RAD9B: variants seen among roughly 807,000 people sequenced by gnomAD.
RAD9B encodes the protein RAD9 checkpoint clamp component B, also known as cell cycle checkpoint control protein RAD9B.
A neutral mutation model predicts 48.3 loss-of-function variants in RAD9B; 41 were observed. That is an observed-to-expected ratio of 0.85 (90% confidence interval 0.66 to 1.10). The LOEUF is 1.10. Ranked by LOEUF, RAD9B falls within the 50% of genes least tolerant of loss-of-function variation. The probability of loss-of-function intolerance (pLI) is 0.00; values close to 1 mark genes in which losing one functional copy is unlikely to be tolerated. For missense variants in RAD9B, 444 were observed against 485.1 expected (o/e 0.92, Z 0.80); for synonymous variants, 160 against 157.9 (o/e 1.01, Z -0.10).
At chr12:110,511,714 A>C (rs1300407004) in intron 4 of RAD9B, 1 of 189,330 alleles carries the variant, frequency 5.3e-6, no homozygotes, top group Non-Finnish European at 1.1e-5. Context: ...CAACGTAGCT[A>C]AAAGAGAGGA....
chr12:110,507,029 G>A (rs1374041772), intron 4 of RAD9B, among the ~76,000 whole-genome samples: 6 of 151,758 alleles, frequency 4.0e-5, no homozygotes, highest in Non-Finnish European at 7.4e-5. Flanking sequence ...TAGTAGAGAC[G>A]GGGTTTCACC....
intron 10 of RAD9B, among the ~76,000 whole-genome samples, chr12:110,526,662 C>G (rs1220243972): frequency 1.3e-5 from 2 of 152,084 alleles, no homozygotes; most frequent in Non-Finnish European, 1.5e-5. Context: ...GTAATCCCAG[C>G]ACTTTGGGAG....
chr12:110,527,877 G>T (rs1007511012), intron 10 of RAD9B, among the ~76,000 whole-genome samples: 2 of 152,148 alleles, frequency 1.3e-5, no homozygotes, highest in African/African-American at 4.8e-5. Context: ...ATGAGGGCAT[G>T]GGGGTGGGAG....
At chr12:110,510,738 C>T (rs2063434709) in intron 4 of RAD9B, among the ~76,000 whole-genome samples, 1 of 152,116 alleles carries the variant, frequency 6.6e-6, no homozygotes, top group South Asian at 2.1e-4. Context: ...TCTCCTCTTC[C>T]TCTAAAAGGA....
At chr12:110,504,964 C>T (rs1287731564) in intron 2 of RAD9B, among the ~76,000 whole-genome samples, 2 of 151,784 alleles carry the variant, frequency 1.3e-5, no homozygotes, top group Non-Finnish European at 2.9e-5. Context: ...TGCGGTGGTA[C>T]CATTGCACTC....
chr12:110,513,026 C>G (rs1565886152), intron 5 of RAD9B, 148 bp downstream of exon 5: 1 of 540,960 alleles, frequency 1.8e-6, no homozygotes, highest in Non-Finnish European at 3.2e-6. Context: ...AGTGCAGTGG[C>G]GCGATCTTGG....
At position 110,512,997 on chromosome 12, in the gene RAD9B, G is replaced by A. The variant is rs370807839; in HGVS notation, c.488+119G>A. On this transcript the variant is annotated intron_variant, in intron 5 of 10. Transcript: ENST00000409300. ...TTTTTTTTTTTTTATATGGAGTCTC[G>A]CTGTGTCGCCCAGGCTGGAGTGCAG... 3.8e-3 allele frequency: 2,262 copies of A among 592,518 alleles called. 5 individuals are homozygous for A. The highest frequency in any genetic ancestry group is 5.5e-3 in the Non-Finnish European group (1,876 of 338,148). The allele number at this position is 592,518 out of a possible 1,614,324, so 36.7% of individuals were successfully genotyped here.
intron 9 of RAD9B, among the ~76,000 whole-genome samples, chr12:110,520,623 G>T (rs1270684809): frequency 5.8e-5 from 5 of 86,234 alleles, no homozygotes; most frequent in Admixed American, 1.2e-4. Context: ...TTGCTTTCTT[G>T]CTTTCTTTTT....
At chr12:110,519,363 C>T (rs1565893402) in intron 8 of RAD9B, among the ~76,000 whole-genome samples, 1 of 152,046 alleles carries the variant, frequency 6.6e-6, no homozygotes, top group African/African-American at 2.4e-5. Context: ...CTCGGCCTCC[C>T]AAAGTGCTGG....
chr12:110,517,114 G>T (rs555662271), intron 6 of RAD9B, among the ~76,000 whole-genome samples: 1 of 151,900 alleles, frequency 6.6e-6, no homozygotes, highest in African/African-American at 2.4e-5. Context: ...AGGCAGGATT[G>T]CTTGAGGCCA....
Position 110,533,453 on chromosome 12 carries a change from G to C in RAD9B, c.*2800G>C, listed in dbSNP as rs1190082496. On this transcript the variant is annotated 3_prime_UTR_variant, in exon 11 of 11. Coordinates refer to ENST00000409300, the MANE Select transcript of RAD9B (RefSeq NM_001286535.2). The stretch of plus-strand genomic sequence containing the variant: ...TTTGCTTCATTATTTAGCCATCTTT[G>C]CCACAAACTACCTGCTAACAGTTAA... 2.6e-5 allele frequency: 4 copies of C among 152,084 alleles called. No individual in the cohort carries two copies. The allele number at this position is 152,084 out of a possible 1,614,324, so 9.4% of individuals were successfully genotyped here.
intron 6 of RAD9B, among the ~76,000 whole-genome samples, chr12:110,516,189 T>C (rs2063595264): frequency 6.6e-6 from 1 of 151,716 alleles, no homozygotes; most frequent in Non-Finnish European, 1.5e-5. Context: ...ATTGTGCCAC[T>C]GCACTCCAGC....
chr12:110,506,931 G>A (rs550917899), intron 4 of RAD9B, among the ~76,000 whole-genome samples: 6 of 151,330 alleles, frequency 4.0e-5, no homozygotes, highest in East Asian at 2.0e-4. Context: ...CCTCCACCTC[G>A]TGGGTTCAAG....
intron 10 of RAD9B, 81 bp downstream of exon 10, chr12:110,522,492 C>T: frequency 3.2e-6 from 3 of 936,830 alleles, no homozygotes; most frequent in Non-Finnish European, 4.9e-6. Flanking sequence ...CCAATCCCCA[C>T]CCAGCCATGT....
chr12:110,510,164 C>T (rs1302186061), intron 4 of RAD9B, among the ~76,000 whole-genome samples: 2 of 152,188 alleles, frequency 1.3e-5, no homozygotes, highest in African/African-American at 4.8e-5. Flanking sequence ...GAAGCCCTGG[C>T]ATGTTTCCTC....
intron 1 of RAD9B, 152 bp downstream of exon 1, chr12:110,502,535 G>A (rs1157407038): frequency 3.7e-6 from 3 of 813,520 alleles, no homozygotes; most frequent in Non-Finnish European, 2.0e-6. Context: ...TCAAGTCCCT[G>A]TTAACTTCTG....
intron 6 of RAD9B, among the ~76,000 whole-genome samples, chr12:110,516,770 G>T (rs1214211587): frequency 1.3e-5 from 2 of 151,872 alleles, no homozygotes; most frequent in Non-Finnish European, 2.9e-5. Context: ...CCAAGATCAC[G>T]CCACGGCACT....
rs148486380 is a variant in RAD9B, at chr12:110,516,790, C to T, written c.595+1634C>T. Among the ~76,000 whole-genome samples the T allele has an allele frequency of 1.9e-3, 286 of 151,566 alleles. 2 individuals are homozygous for T. The highest frequency in any genetic ancestry group is 6.8e-3 in the Middle Eastern group (2 of 294). On this transcript the variant is annotated intron_variant, in intron 6 of 10. Coordinates refer to ENST00000409300, the MANE Select transcript of RAD9B (RefSeq NM_001286535.2). ...ATCACGCCACGGCACTCCAGCCTGG[C>T]GACAGAGCAAGACTCTGTCTAAAAT...
At chr12:110,509,010 G>T (rs140782430) in intron 4 of RAD9B, among the ~76,000 whole-genome samples, 1 of 152,104 alleles carries the variant, frequency 6.6e-6, no homozygotes, top group East Asian at 1.9e-4. Flanking sequence ...TGTCGCCCAG[G>T]CTGGAGTGCA....
Sources: allele counts gnomAD v4.1 joint callset (sites outside exome capture counted in the v4.1 genomes callset), GRCh38; gene constraint gnomAD v4.1.1; transcripts MANE v1.5; gene names NCBI Gene and HGNC (gene_info 2026-07-23, HGNC 2026-07-21).